MAPRE2: variants seen among roughly 807,000 people sequenced by gnomAD.
The protein encoded by MAPRE2 is microtubule-associated protein RP/EB family member 2.
In MAPRE2, 13 loss-of-function variants were observed where a neutral mutation model predicts 43.2. The ratio of observed to expected loss-of-function variants is 0.30; its 90% CI spans 0.20 to 0.48. The LOEUF is 0.48. Ranked by LOEUF, MAPRE2 falls within the 20% of genes least tolerant of loss-of-function variation. The pLI is 0.99. For missense variants in MAPRE2, 161 were observed against 400.2 expected, an observed-to-expected ratio of 0.40 and a Z score of 5.10; for synonymous variants, 135 against 148.8, an observed-to-expected ratio of 0.91 and a Z score of 0.68.
At chr18:35,013,904 C>G (rs930092295) in intron 2 of MAPRE2, among the ~76,000 whole-genome samples, 2 of 152,070 alleles carry the variant, frequency 1.3e-5, no homozygotes, top group African/African-American at 4.8e-5. Context: ...TTTCTTTATT[C>G]ATTCATCTGT....
intron 1 of MAPRE2, among the ~76,000 whole-genome samples, chr18:34,993,235 G>A (rs943137123): frequency 6.6e-6 from 1 of 150,512 alleles, no homozygotes; most frequent in African/African-American, 2.4e-5. Flanking sequence ...GGCAATATAG[G>A]TGTATACCAC....
intron 4 of MAPRE2, among the ~76,000 whole-genome samples, chr18:35,119,526 G>A (rs1425337930): frequency 2.6e-5 from 4 of 152,182 alleles, no homozygotes; most frequent in Non-Finnish European, 4.4e-5. Flanking sequence ...TCAACTGCCT[G>A]TTAGCTTCCC....
intron 4 of MAPRE2, among the ~76,000 whole-genome samples, chr18:35,119,391 A>G (rs1455626225): frequency 6.6e-6 from 1 of 152,176 alleles, no homozygotes; most frequent in Non-Finnish European, 1.5e-5. Flanking sequence ...TCTTGTTCAT[A>G]GCACTTATTT....
At chr18:34,998,315 TTCTC>T (rs752769677) in intron 1 of MAPRE2, among the ~76,000 whole-genome samples, 1 of 150,274 alleles carries the variant, frequency 6.7e-6, no homozygotes, top group Non-Finnish European at 1.5e-5. Context: ...ACCAGCATTT[TTCTC>T]TCTCTTTTTT....
intron 1 of MAPRE2, among the ~76,000 whole-genome samples, chr18:34,992,198 A>G (rs1278105477): frequency 6.6e-6 from 1 of 152,236 alleles, no homozygotes; most frequent in East Asian, 1.9e-4. Context: ...AAACAGCAAA[A>G]GTATTACAGA....
chr18:35,041,293 T>C (rs962145639), upstream of MAPRE2: 56 of 1,384,032 alleles, frequency 4.0e-5, no homozygotes, highest in Middle Eastern at 2.2e-3. Flanking sequence ...GGCGAGGTGA[T>C]GAGTTAGCGG....
intron 2 of MAPRE2, among the ~76,000 whole-genome samples, chr18:35,030,295 G>A (rs1041832043): frequency 1.3e-4 from 19 of 151,998 alleles, no homozygotes; most frequent in African/African-American, 4.6e-4. Flanking sequence ...CTTCCTACAC[G>A]GAAGTGCCGT....
chr18:35,133,248 C>CT (rs1487307998), intron 6 of MAPRE2, among the ~76,000 whole-genome samples: 3 of 151,932 alleles, frequency 2.0e-5, no homozygotes. Flanking sequence ...TTTGGAAGCT[C>CT]TTTATCACTT....
intron 6 of MAPRE2, among the ~76,000 whole-genome samples, chr18:35,139,577 C>A (rs1910533871): frequency 6.6e-6 from 1 of 152,150 alleles, no homozygotes; most frequent in South Asian, 2.1e-4. Context: ...ATAACGTAAG[C>A]CAAAAGGGCC....
rs896351981 is a variant in MAPRE2, at chr18:35,095,575, G to T, written c.251-1871G>T. Among the ~76,000 whole-genome samples the T allele has an allele frequency of 2.7e-5, 4 of 150,224 alleles. No individual in the cohort carries two copies. In the East Asian group the frequency reaches 7.8e-4, roughly 29 times the overall value. ...TTTCTTTTTAAATCTGAAACATGAGGAATTTGGTTGGTTGGTTTGTAAGAG... is the reference window on the plus strand; with the variant it reads ...TTTCTTTTTAAATCTGAAACATGAGTAATTTGGTTGGTTGGTTTGTAAGAG... On this transcript the variant is annotated intron_variant, in intron 2 of 6. Transcript: ENST00000300249.
rs1446721246 is a variant in MAPRE2 at position 35,141,296 on chromosome 18, G to C, written c.*927G>C. On this transcript the variant is annotated 3_prime_UTR_variant, in exon 7 of 7. Transcript: ENST00000300249. ...CACAAAACTGTCATTCACTCTAGGG[G>C]ACCCCTACTAAAGGGTAACTTCAGG... 2 of 152,204 alleles carry C rather than the reference G, an allele frequency of 1.3e-5. No individual in the cohort carries two copies. Among genetic ancestry groups the C allele is most frequent in the Non-Finnish European group, 2.9e-5 (2 of 68,096 alleles). The allele number at this position is 152,204 out of a possible 1,614,324, so 9.4% of individuals were successfully genotyped here.
At chr18:35,035,724 G>C (rs2097050211) in intron 2 of MAPRE2, among the ~76,000 whole-genome samples, 1 of 149,738 alleles carries the variant, frequency 6.7e-6, no homozygotes. Flanking sequence ...TGTGAGACCT[G>C]CTTCTCCTAT....
intron 1 of MAPRE2, among the ~76,000 whole-genome samples, chr18:35,055,537 C>CTGTGTGTG (rs34194364): frequency 0.025 from 3,685 of 146,416 alleles, 86 homozygotes; most frequent in East Asian, 0.058. Context: ...ATTCAGTTCT[C>CTGTGTGTG]TGTGTGTGTG....
chr18:35,075,719 G>T (rs1304251040), intron 2 of MAPRE2, among the ~76,000 whole-genome samples: 3 of 151,710 alleles, frequency 2.0e-5, no homozygotes, highest in Non-Finnish European at 4.4e-5. Flanking sequence ...AGTTTACATG[G>T]TCTCAGCATA....
chr18:35,025,908 C>A (rs928045195), intron 2 of MAPRE2, among the ~76,000 whole-genome samples: 1 of 152,156 alleles, frequency 6.6e-6, no homozygotes, highest in Admixed American at 6.5e-5. Context: ...AGGCCGAAAC[C>A]AAATTCAATC....
intron 4 of MAPRE2, among the ~76,000 whole-genome samples, chr18:35,123,584 A>G (rs71363487): frequency 0.2 from 30,303 of 152,070 alleles, 4,152 homozygotes; most frequent in African/African-American, 0.38. Flanking sequence ...TTGTGTAGGT[A>G]AGGAGCCTAA....
chr18:35,103,700 A>G lies in MAPRE2; in HGVS notation c.610+1541A>G, dbSNP rs1456843426. Among the ~76,000 whole-genome samples, 4 of 152,198 alleles carry G rather than the reference A, an allele frequency of 2.6e-5. No homozygotes were observed. The East Asian group carries it at 5.8e-4, about 22-fold the overall frequency. On this transcript the variant is annotated intron_variant, in intron 4 of 6. Transcript: ENST00000300249. Reference sequence around the variant, plus strand: ...GTTGAGTAGAAGAGGAAGGGCTTGCATAGGAAGCAGAGAAGGTGCCAGAAA... The same window carrying G: ...GTTGAGTAGAAGAGGAAGGGCTTGCGTAGGAAGCAGAGAAGGTGCCAGAAA...
In MAPRE2 at chr18:35,129,794, G is replaced by A. The variant is rs370984087; in HGVS notation, c.751-2238G>A. ...AGGAGTTGGAAGAATGGTAAGAAGA[G>A]TGCTGCTTCTCATTTTCTAAGATCA... On this transcript the variant is annotated intron_variant, in intron 5 of 6. Coordinates refer to ENST00000300249, the MANE Select transcript of MAPRE2 (RefSeq NM_014268.4). 8.5e-5 allele frequency among the ~76,000 whole-genome samples: 13 copies of A among 152,300 alleles called. 1 individual carries two copies. Among genetic ancestry groups the A allele is most frequent in the Admixed American group, 3.9e-4 (6 of 15,308 alleles).
upstream of MAPRE2, chr18:35,041,297 T>C: frequency 7.1e-7 from 1 of 1,400,220 alleles, no homozygotes. Flanking sequence ...AGGTGATGAG[T>C]TAGCGGGTTG....
Sources: allele counts gnomAD v4.1 joint callset (sites outside exome capture counted in the v4.1 genomes callset), GRCh38; gene constraint gnomAD v4.1.1; transcripts MANE v1.5; gene names NCBI Gene and HGNC (gene_info 2026-07-23, HGNC 2026-07-21).